CPED1: variants seen among roughly 807,000 people sequenced by gnomAD.
The protein encoded by CPED1 is cadherin-like and PC-esterase domain-containing protein 1.
Under a neutral mutation model 128.2 loss-of-function variants are expected in CPED1, and 114 were observed. The ratio of observed to expected loss-of-function variants is 0.89; its 90% CI spans 0.76 to 1.04. CPED1 has a LOEUF of 1.04. Ranked by LOEUF, CPED1 falls within the 50% of genes least tolerant of loss-of-function variation. CPED1 has a pLI of 0.00. For missense variants in CPED1, 1,211 were observed against 1,207.1 expected, an observed-to-expected ratio of 1.00 and a Z score of -0.05; for synonymous variants, 462 against 426.7, an observed-to-expected ratio of 1.08 and a Z score of -1.02.
At chr7:121,105,904 T>C (rs1454846856) in intron 7 of CPED1, among the ~76,000 whole-genome samples, 1 of 152,122 alleles carries the variant, frequency 6.6e-6, no homozygotes, top group East Asian at 1.9e-4. Context: ...TGAACTTGGA[T>C]GATTATCCTA....
intron 2 of CPED1, among the ~76,000 whole-genome samples, chr7:120,993,511 A>T (rs1796343272): frequency 1.3e-5 from 2 of 152,248 alleles, no homozygotes; most frequent in African/African-American, 4.8e-5. Context: ...AACATAGCCC[A>T]GTGCAAATAA....
At chr7:121,181,713 C>G (rs1796900244) in intron 16 of CPED1, among the ~76,000 whole-genome samples, 1 of 151,970 alleles carries the variant, frequency 6.6e-6, no homozygotes, top group African/African-American at 2.4e-5. Flanking sequence ...ATTGTTAAAA[C>G]CTATATCATC....
chr7:121,250,757 G>A (rs1274781454), intron 18 of CPED1, among the ~76,000 whole-genome samples: 1 of 151,982 alleles, frequency 6.6e-6, no homozygotes, highest in Non-Finnish European at 1.5e-5. Flanking sequence ...ACCCTCCCAA[G>A]ACTAAACCAG....
chr7:121,228,366 G>A (rs1276726220), intron 16 of CPED1, among the ~76,000 whole-genome samples: 2 of 151,712 alleles, frequency 1.3e-5, no homozygotes, highest in African/African-American at 4.8e-5. Flanking sequence ...CATACAAATC[G>A]CCAATGGGTA....
intron 16 of CPED1, chr7:121,195,088 T>C (rs1797241316): frequency 6.6e-6 from 1 of 152,200 alleles, no homozygotes; most frequent in Non-Finnish European, 1.5e-5. Context: ...ATTTTCTTGC[T>C]TAGTATACTA....
At chr7:121,025,598 G>A (rs1027245890) in intron 3 of CPED1, among the ~76,000 whole-genome samples, 1 of 152,066 alleles carries the variant, frequency 6.6e-6, no homozygotes. Flanking sequence ...TATGGGTTGG[G>A]AGTGTTCTTC....
intron 16 of CPED1, among the ~76,000 whole-genome samples, chr7:121,182,505 C>A (rs6965592): frequency 0.066 from 10,038 of 151,286 alleles, 414 homozygotes; most frequent in African/African-American, 0.11. Context: ...TCCTTCTTTG[C>A]CTCCCTCTCT....
At chr7:121,183,899 C>G (rs1796948326) in intron 16 of CPED1, among the ~76,000 whole-genome samples, 1 of 152,118 alleles carries the variant, frequency 6.6e-6, no homozygotes, top group African/African-American at 2.4e-5. Flanking sequence ...CTTCACTTTG[C>G]AAGGCTGAGG....
chr7:121,140,604 A>G (rs1795878838), intron 14 of CPED1, among the ~76,000 whole-genome samples: 1 of 152,042 alleles, frequency 6.6e-6, no homozygotes, highest in South Asian at 2.1e-4. Flanking sequence ...AACGCCGACT[A>G]AAGTCAACAG....
intron 7 of CPED1, among the ~76,000 whole-genome samples, chr7:121,121,085 AAGCAAG>A (rs1231208559): frequency 6.6e-6 from 1 of 152,062 alleles, no homozygotes; most frequent in African/African-American, 2.4e-5. Context: ...CAATTCACTC[AAGCAAG>A]GTCTTATGGG....
chr7:121,185,613 A>G (rs1796985786), intron 16 of CPED1, among the ~76,000 whole-genome samples: 1 of 152,196 alleles, frequency 6.6e-6, no homozygotes, highest in African/African-American at 2.4e-5. Context: ...ATGGAGAAAG[A>G]CAATGTTCAA....
chr7:121,047,074 G>A, intron 4 of CPED1, 81 bp downstream of exon 4: 1 of 834,906 alleles, frequency 1.2e-6, no homozygotes. Context: ...TAATGTTTAA[G>A]AGTCTTAAAG....
At chr7:121,120,245 AC>A (rs1795352593) in intron 7 of CPED1, among the ~76,000 whole-genome samples, 1 of 152,178 alleles carries the variant, frequency 6.6e-6, no homozygotes, top group Admixed American at 6.5e-5. Context: ...AAGTGGCTGC[AC>A]CATGTTACTT....
At chr7:121,255,002 G>A (rs1798771047) in intron 18 of CPED1, among the ~76,000 whole-genome samples, 1 of 151,536 alleles carries the variant, frequency 6.6e-6, no homozygotes, top group African/African-American at 2.4e-5. Context: ...TGGTACCAAT[G>A]CTACTGAAAC....
rs576257793 is a variant in CPED1, at chr7:121,279,770, GAA to G, written c.2868+8342_2868+8343del. ...CAATATCTTTTAAAATGGAACTGCA[GAA>G]AGTCTGGACTCAGAAACACAAGTAT... On this transcript the variant is annotated intron_variant, in intron 22 of 22. Coordinates refer to ENST00000310396, the MANE Select transcript of CPED1 (RefSeq NM_024913.5). Among the ~76,000 whole-genome samples the G allele has an allele frequency of 1.4e-3, 218 of 152,280 alleles. 2 individuals are homozygous for G. Among genetic ancestry groups the G allele is most frequent in the African/African-American group, 4.8e-3 (198 of 41,576 alleles).
intron 18 of CPED1, among the ~76,000 whole-genome samples, chr7:121,265,289 C>G (rs1792100726): frequency 6.6e-6 from 1 of 152,012 alleles, no homozygotes; most frequent in Admixed American, 6.6e-5. Flanking sequence ...ATCCTGGGTT[C>G]TCCATTTAGT....
chr7:121,151,341 G>A (rs1179522476), intron 16 of CPED1, among the ~76,000 whole-genome samples: 1 of 152,150 alleles, frequency 6.6e-6, no homozygotes, highest in Non-Finnish European at 1.5e-5. Context: ...ATTACTAGCA[G>A]TGACACACAT....
At chr7:121,068,468 G>A (rs1021034756) in intron 5 of CPED1, among the ~76,000 whole-genome samples, 10 of 151,826 alleles carry the variant, frequency 6.6e-5, no homozygotes, top group African/African-American at 2.2e-4. Flanking sequence ...TGTTCCATTG[G>A]TCTATATCTC....
chr7:121,094,278 AAT>A (rs1422222422), intron 5 of CPED1, among the ~76,000 whole-genome samples: 2 of 152,206 alleles, frequency 1.3e-5, no homozygotes, highest in Non-Finnish European at 2.9e-5. Flanking sequence ...ACATCTGTGA[AAT>A]ATAATTATAC....
Sources: allele counts gnomAD v4.1 joint callset (sites outside exome capture counted in the v4.1 genomes callset), GRCh38; gene constraint gnomAD v4.1.1; transcripts MANE v1.5; gene names NCBI Gene and HGNC (gene_info 2026-07-23, HGNC 2026-07-21).